The following PALLD variants were observed in gnomAD, a reference collection of about 807,000 sequenced individuals.
PALLD encodes the protein palladin, cytoskeletal associated protein, also known as palladin.
A neutral mutation model predicts 123.5 loss-of-function variants in PALLD; 61 were observed. That is an observed-to-expected ratio of 0.49 (90% CI 0.40 to 0.61). PALLD has a LOEUF of 0.61. Ranked by LOEUF, PALLD falls within the 20% of genes least tolerant of loss-of-function variation. PALLD has a pLI of 0.00. For missense variants in PALLD, 1,273 were observed against 1,377.0 expected, an observed-to-expected ratio of 0.92 and a Z score of 1.20; for synonymous variants, 465 against 496.4, an observed-to-expected ratio of 0.94 and a Z score of 0.84.
intron 10 of PALLD, among the ~76,000 whole-genome samples, chr4:168,787,649 A>G (rs1736933575): frequency 6.6e-6 from 1 of 152,264 alleles, no homozygotes; most frequent in Non-Finnish European, 1.5e-5. Context: ...TCTCTTGGAC[A>G]ATGCTGGTCT....
Position 168,903,894 on chromosome 4 carries a change from T to C in PALLD, c.2610T>C (p.Ala870=), listed in dbSNP as rs1757072683. Reference sequence around the variant, plus strand: ...ATGATGGGAATTATACAATTATGGCTGCAAACCCTCAGGTAAAGAAGGGTA... The same window carrying C: ...ATGATGGGAATTATACAATTATGGCCGCAAACCCTCAGGTAAAGAAGGGTA... ...LDDDGNYTIM[A]ANPQGRISCT... is the part of the protein sequence containing the mutation. Residue 870 remains alanine (A), a synonymous_variant, in exon 15 of 22, where the codon GCT becomes GCC. Transcript: ENST00000505667. The C allele has an allele frequency of 2.5e-6, 4 of 1,613,948 alleles. No homozygotes were observed. In the African/African-American group the frequency reaches 4.0e-5, roughly 16 times the overall value.
At chr4:168,500,157 C>T (rs914068340) in intron 1 of PALLD, among the ~76,000 whole-genome samples, 1 of 152,192 alleles carries the variant, frequency 6.6e-6, no homozygotes. Context: ...TCAAACTGTT[C>T]ACTTTTGAAA....
rs1388566771 is a variant in PALLD, at chr4:168,794,496, A to ACACACACATG, written c.1964+82581_1964+82582insTGCACACACA. Reference sequence around the variant, plus strand: ...TGCACACGCACACACACATGCACGCACACACACACGCACACACACACACAC... The same window carrying ACACACACATG: ...TGCACACGCACACACACATGCACGCACACACACATGCACACACACGCACACACACACACAC... On this transcript the variant is annotated intron_variant, in intron 10 of 21. Transcript: ENST00000505667. 5.4e-3 allele frequency among the ~76,000 whole-genome samples: 713 copies of ACACACACATG among 132,788 alleles called. 9 individuals carry two copies. The highest frequency in any genetic ancestry group is 0.019 in the African/African-American group (630 of 33,502). The allele number at this position is 132,788 out of a possible 152,430, so 87.1% of individuals were successfully genotyped here. A position where few individuals can be genotyped will look rare whatever the true frequency, so the allele number is the denominator to read the frequency against.
At chr4:168,894,858 G>A in intron 12 of PALLD, 181 bp downstream of exon 12, 1 of 907,484 alleles carries the variant, frequency 1.1e-6, no homozygotes, top group Non-Finnish European at 1.6e-6. Flanking sequence ...ACTATGTTAA[G>A]TGACTGACAG....
chr4:168,753,657 A>G (rs1458700478), intron 10 of PALLD, among the ~76,000 whole-genome samples: 1 of 152,070 alleles, frequency 6.6e-6, no homozygotes, highest in South Asian at 2.1e-4. Context: ...CTCTCTGTCA[A>G]CTTCCATTTT....
At chr4:168,890,444 A>G (rs1753990530) in intron 10 of PALLD, among the ~76,000 whole-genome samples, 2 of 152,230 alleles carry the variant, frequency 1.3e-5, no homozygotes, top group Non-Finnish European at 2.9e-5. Context: ...ACTATTGTTG[A>G]ATAATGATTA....
intron 10 of PALLD, among the ~76,000 whole-genome samples, chr4:168,820,812 GA>G (rs1742611406): frequency 6.6e-6 from 1 of 152,102 alleles, no homozygotes; most frequent in Non-Finnish European, 1.5e-5. Flanking sequence ...ATTTGAATAT[GA>G]GAATGATAGT....
chr4:168,738,621 G>A (rs1788002262), intron 10 of PALLD, among the ~76,000 whole-genome samples: 1 of 148,146 alleles, frequency 6.8e-6, no homozygotes, highest in Non-Finnish European at 1.5e-5. Flanking sequence ...AGTAGAGACG[G>A]GGTTTCACCA....
chr4:168,761,641 G>GTTTTTTTTTTTTTTTTT (rs1230404942), intron 10 of PALLD, among the ~76,000 whole-genome samples: 1 of 11,638 alleles, frequency 8.6e-5, no homozygotes, highest in Admixed American at 1.4e-3. Flanking sequence ...TGTTGTTGTT[G>GTTTTTTTTTTTTTTTTT]TTTGTTTTTT....
intron 2 of PALLD, among the ~76,000 whole-genome samples, chr4:168,524,694 C>T (rs1427429989): frequency 6.6e-6 from 1 of 152,216 alleles, no homozygotes; most frequent in Non-Finnish European, 1.5e-5. Context: ...AACACCACCA[C>T]AGATAGTGAG....
At chr4:168,546,094 T>C (rs1238219089) in intron 2 of PALLD, among the ~76,000 whole-genome samples, 2 of 152,124 alleles carry the variant, frequency 1.3e-5, no homozygotes, top group Admixed American at 1.3e-4. Flanking sequence ...ATAGCTTCTG[T>C]ATATGCACAG....
At chr4:168,609,763 C>G (rs1270327427) in intron 2 of PALLD, among the ~76,000 whole-genome samples, 1 of 152,210 alleles carries the variant, frequency 6.6e-6, no homozygotes, top group Non-Finnish European at 1.5e-5. Context: ...CCTTCTGAAT[C>G]TGAGGTTTCT....
rs752060008 is a variant in PALLD, at chr4:168,709,154, G to A, written c.1621+7G>A. On this transcript the variant is annotated splice_region_variant and intron_variant, in intron 9 of 21. Transcript: ENST00000505667. ...CAGCTGGTTGTCACCTCAGGTATGT[G>A]AGGAGTAAAAAAAATGACTGGGTTC... 8 of 1,613,626 alleles carry A rather than the reference G, an allele frequency of 5.0e-6. No individual in the cohort carries two copies. In the East Asian group the frequency reaches 1.6e-4, roughly 31 times the overall value.
At chr4:168,544,079 A>T (rs1365975090) in intron 2 of PALLD, among the ~76,000 whole-genome samples, 2 of 152,264 alleles carry the variant, frequency 1.3e-5, no homozygotes, top group African/African-American at 4.8e-5. Context: ...AATATCACAT[A>T]ATCTGCTATG....
At chr4:168,891,410 C>T (rs1229143793) in intron 11 of PALLD, among the ~76,000 whole-genome samples, 1 of 152,168 alleles carries the variant, frequency 6.6e-6, no homozygotes, top group Non-Finnish European at 1.5e-5. Flanking sequence ...ATCTGCCCGC[C>T]TTGGCCTCCC....
At chr4:168,655,954 A>G (rs943122280) in intron 2 of PALLD, among the ~76,000 whole-genome samples, 1 of 152,234 alleles carries the variant, frequency 6.6e-6, no homozygotes, top group Non-Finnish European at 1.5e-5. Context: ...GAAGACACCA[A>G]TAGGAGCTGT....
intron 2 of PALLD, among the ~76,000 whole-genome samples, chr4:168,657,338 T>TTATC (rs1410308396): frequency 6.6e-6 from 1 of 152,250 alleles, no homozygotes; most frequent in East Asian, 1.9e-4. Flanking sequence ...CTTTTCAATG[T>TTATC]TATCTGTCAA....
intron 2 of PALLD, among the ~76,000 whole-genome samples, chr4:168,634,637 C>T (rs377680622): frequency 9.2e-5 from 14 of 152,192 alleles, no homozygotes; most frequent in African/African-American, 2.9e-4. Flanking sequence ...AGCGACTCCC[C>T]GTCTACTCCA....
intron 6 of PALLD, among the ~76,000 whole-genome samples, chr4:168,689,654 G>A (rs917822807): frequency 7.3e-5 from 11 of 151,574 alleles, no homozygotes; most frequent in Admixed American, 2.0e-4. Context: ...CGCCATGTTG[G>A]TCAGGCTGGT....
Sources: gnomAD v4.1 joint callset for allele counts (sites outside exome capture counted in the v4.1 genomes callset) on GRCh38, gnomAD v4.1.1 for gene constraint, MANE v1.5 for transcripts, NCBI Gene and HGNC (gene_info 2026-07-23, HGNC 2026-07-21) for gene names.